The following CDH12 variants were observed in gnomAD, a reference collection of about 807,000 sequenced individuals.
CDH12 encodes the protein cadherin-12.
CDH12 carries 41 observed loss-of-function variants against 74.1 expected under a neutral mutation model. The observed-to-expected ratio is 0.55, with a 90% confidence interval of 0.43 to 0.72. The LOEUF (loss-of-function observed/expected upper bound fraction) is 0.72. CDH12 is among the 30% of genes least tolerant of loss of function. The pLI, the probability that CDH12 is intolerant of heterozygous loss-of-function variation, is 0.00. For missense variants in CDH12, 945 were observed against 977.2 expected, an observed-to-expected ratio of 0.97 and a Z score of 0.44; for synonymous variants, 399 against 355.0, an observed-to-expected ratio of 1.12 and a Z score of -1.39.
chr5:22,389,794 CCCA>C (rs70959726), intron 3 of CDH12, among the ~76,000 whole-genome samples: 51,950 of 150,834 alleles, frequency 0.34, 10,159 homozygotes, highest in Admixed American at 0.46. Flanking sequence ...ACTACAGGCG[CCCA>C]CCACCACGCC....
At chr5:22,589,553 C>G (rs1007752359) in intron 1 of CDH12, among the ~76,000 whole-genome samples, 2 of 152,144 alleles carry the variant, frequency 1.3e-5, no homozygotes, top group African/African-American at 4.8e-5. Flanking sequence ...GATTGCTAGT[C>G]TGACAAATCC....
At chr5:22,752,634 A>G (rs4591708) in intron 1 of CDH12, among the ~76,000 whole-genome samples, 3,666 of 15,862 alleles carry the variant, frequency 0.23, 909 homozygotes, top group Middle Eastern at 0.36. Context: ...TGCAGTGGCG[A>G]GATCTCCTCT....
At chr5:22,661,318 C>G (rs989159278) in intron 1 of CDH12, among the ~76,000 whole-genome samples, 2 of 152,110 alleles carry the variant, frequency 1.3e-5, no homozygotes, top group Admixed American at 1.3e-4. Flanking sequence ...ATACAAGAAC[C>G]TCATTATCAG....
intron 4 of CDH12, among the ~76,000 whole-genome samples, chr5:22,115,450 T>G (rs1455404219): frequency 2.6e-5 from 4 of 152,156 alleles, no homozygotes; most frequent in Non-Finnish European, 5.9e-5. Flanking sequence ...AAAAAGACAT[T>G]ACAATATATT....
At chr5:22,678,620 T>A (rs1028729150) in intron 1 of CDH12, among the ~76,000 whole-genome samples, 2 of 152,148 alleles carry the variant, frequency 1.3e-5, no homozygotes, top group African/African-American at 4.8e-5. Context: ...TTTGTTTTTA[T>A]TACTTAGTAA....
intron 1 of CDH12, among the ~76,000 whole-genome samples, chr5:22,692,023 G>A (rs1048975703): frequency 1.3e-5 from 2 of 152,152 alleles, no homozygotes; most frequent in Non-Finnish European, 2.9e-5. Flanking sequence ...GTTGCAATCT[G>A]ATCCCCAATG....
At chr5:22,359,910 C>T (rs1033312109) in intron 3 of CDH12, among the ~76,000 whole-genome samples, 1 of 152,062 alleles carries the variant, frequency 6.6e-6, no homozygotes, top group African/African-American at 2.4e-5. Flanking sequence ...ATACCAGAAT[C>T]TATGGGATAC....
chr5:21,764,125 A>T (rs1744873240), intron 12 of CDH12, among the ~76,000 whole-genome samples: 1 of 152,188 alleles, frequency 6.6e-6, no homozygotes, highest in South Asian at 2.1e-4. Context: ...CTGTAATCCC[A>T]GCACTTTGGG....
At chr5:22,457,188 A>C (rs570534391) in intron 2 of CDH12, among the ~76,000 whole-genome samples, 2 of 152,224 alleles carry the variant, frequency 1.3e-5, no homozygotes, top group East Asian at 3.9e-4. Context: ...CAAAGGTTTC[A>C]TGACTGTTTT....
chr5:22,513,890 G>T (rs1213347193), intron 1 of CDH12, among the ~76,000 whole-genome samples: 3 of 149,802 alleles, frequency 2.0e-5, no homozygotes, highest in African/African-American at 7.4e-5. Context: ...AGAGGTTGCA[G>T]TGAGCTGAGA....
chr5:22,802,822 C>T (rs2126423037), intron 1 of CDH12, among the ~76,000 whole-genome samples: 1 of 152,220 alleles, frequency 6.6e-6, no homozygotes, highest in Admixed American at 6.5e-5. Flanking sequence ...ATTTTTTTCT[C>T]TAAGCAATCT....
chr5:22,454,144 G>C (rs111401447), intron 2 of CDH12, among the ~76,000 whole-genome samples: 1 of 152,018 alleles, frequency 6.6e-6, no homozygotes, highest in African/African-American at 2.4e-5. Flanking sequence ...CATGGGGAAG[G>C]GGGAGAAGAT....
intron 1 of CDH12, among the ~76,000 whole-genome samples, chr5:22,572,651 A>T (rs965895673): frequency 6.6e-6 from 1 of 152,200 alleles, no homozygotes; most frequent in African/African-American, 2.4e-5. Context: ...TTCTATATTA[A>T]CATATGACAA....
At chr5:22,029,934 TA>T (rs1252746942) in intron 5 of CDH12, among the ~76,000 whole-genome samples, 1 of 151,672 alleles carries the variant, frequency 6.6e-6, no homozygotes, top group Non-Finnish European at 1.5e-5. Context: ...TATGCAGCCA[TA>T]AAAAAGGATG....
intron 3 of CDH12, among the ~76,000 whole-genome samples, chr5:22,296,031 G>C (rs1349343711): frequency 1.3e-5 from 2 of 151,890 alleles, no homozygotes; most frequent in Non-Finnish European, 2.9e-5. Flanking sequence ...TGCTGACATT[G>C]ACTAATTGTG....
rs201221887 is a variant in CDH12, at chr5:22,063,574, GACTA to G, written c.231+14868_231+14871del. On this transcript the variant is annotated intron_variant, in intron 5 of 14. Transcript: ENST00000382254. ...AAACCAGTACTTCTTTCTTTTAACA[GACTA>G]ACTGATTACCTTCTCTTTTACATCT... 5.8e-3 allele frequency among the ~76,000 whole-genome samples: 880 copies of G among 151,994 alleles called. 7 individuals are homozygous for G. Among genetic ancestry groups the G allele is most frequent in the African/African-American group, 0.02 (841 of 41,458 alleles).
At chr5:21,859,419 C>T (rs780534378) in intron 6 of CDH12, among the ~76,000 whole-genome samples, 14 of 151,756 alleles carry the variant, frequency 9.2e-5, no homozygotes, top group Non-Finnish European at 1.3e-4. Flanking sequence ...TGGGGGAAAC[C>T]GCCTCCATGA....
At chr5:22,544,108 C>T (rs966504497) in intron 1 of CDH12, among the ~76,000 whole-genome samples, 3 of 152,038 alleles carry the variant, frequency 2.0e-5, no homozygotes, top group African/African-American at 7.2e-5. Flanking sequence ...GCCTTTCATC[C>T]AGCCAGGATT....
chr5:21,768,105 G>C (rs1424603148), intron 11 of CDH12, among the ~76,000 whole-genome samples: 1 of 151,614 alleles, frequency 6.6e-6, no homozygotes, highest in Non-Finnish European at 1.5e-5. Flanking sequence ...ACTTATGAAG[G>C]AAATTTAATT....
Sources: allele counts gnomAD v4.1 joint callset (sites outside exome capture counted in the v4.1 genomes callset), GRCh38; gene constraint gnomAD v4.1.1; transcripts MANE v1.5; gene names NCBI Gene and HGNC (gene_info 2026-07-23, HGNC 2026-07-21).